Variants in DSC1 observed in about 807,000 individuals in gnomAD.
The protein encoded by DSC1 is desmocollin 1.
DSC1 carries 79 observed loss-of-function variants against 98.8 expected under a neutral mutation model. The observed-to-expected ratio is 0.80, with a 90% CI of 0.67 to 0.96. The LOEUF (loss-of-function observed/expected upper bound fraction) is 0.96. Ranked by LOEUF, DSC1 falls within the 50% of genes least tolerant of loss-of-function variation. The pLI is 0.00. For missense variants in DSC1, 1,115 were observed against 1,075.9 expected (o/e 1.04, Z -0.51); for synonymous variants, 405 against 372.1 (o/e 1.09, Z -1.02).
At chr18:31,155,952 C>A (rs1279765274) in intron 4 of DSC1, 91 bp downstream of exon 4, 3 of 1,380,170 alleles carry the variant, frequency 2.2e-6, no homozygotes, top group African/African-American at 2.9e-5. Context: ...TTAGTTTAAA[C>A]CTCTGATTCA....
intron 5 of DSC1, among the ~76,000 whole-genome samples, chr18:31,150,355 C>T (rs779860422): frequency 0.033 from 24 of 728 alleles, no homozygotes; most frequent in East Asian, 0.05. Context: ...CCACCACCAC[C>T]ACCATCATCA....
At chr18:31,162,410 G>T in intron 1 of DSC1, 122 bp downstream of exon 1, 1 of 911,426 alleles carries the variant, frequency 1.1e-6, no homozygotes, top group Non-Finnish European at 1.7e-6. Context: ...ATCTGCTTTT[G>T]TTTTCCCCAA....
At chr18:31,149,565 T>G (rs1988917808) in intron 5 of DSC1, among the ~76,000 whole-genome samples, 1 of 152,218 alleles carries the variant, frequency 6.6e-6, no homozygotes, top group East Asian at 1.9e-4. Context: ...ATTCTACATG[T>G]TGACTCACTA....
intron 6 of DSC1, among the ~76,000 whole-genome samples, chr18:31,146,684 A>T (rs1988853718): frequency 1.3e-5 from 2 of 152,202 alleles, no homozygotes; most frequent in African/African-American, 4.8e-5. Context: ...CAGGGGCTGA[A>T]CTAATTTACA....
chr18:31,156,543 C>CAT (rs1164143889), intron 3 of DSC1, among the ~76,000 whole-genome samples: 2 of 152,192 alleles, frequency 1.3e-5, no homozygotes, highest in Non-Finnish European at 2.9e-5. Context: ...ATCATTTATA[C>CAT]ATCTATGTAG....
chr18:31,157,704 C>A lies in DSC1; in HGVS notation c.149-131G>T, dbSNP rs892830736. On this transcript the variant is annotated intron_variant, in intron 2 of 15. Coordinates refer to ENST00000257198, the MANE Select transcript of DSC1 (RefSeq NM_024421.2). Reference sequence around the variant, plus strand: ...GGTTACATTTGGAATGTGCTCAGCACCTGCTATTCTAAAACGTGGGGGCCA... The same window carrying A: ...GGTTACATTTGGAATGTGCTCAGCAACTGCTATTCTAAAACGTGGGGGCCA... 8 of 860,244 alleles carry A rather than the reference C, an allele frequency of 9.3e-6. No homozygotes were observed. In the African/African-American group the frequency reaches 1.4e-4, roughly 15 times the overall value. The allele number at this position is 860,244 out of a possible 1,614,324, so 53.3% of individuals were successfully genotyped here. A position where few individuals can be genotyped will look rare whatever the true frequency, so the allele number is the denominator to read the frequency against.
At chr18:31,136,582 CA>C (rs1206146945) in intron 11 of DSC1, among the ~76,000 whole-genome samples, 10 of 152,148 alleles carry the variant, frequency 6.6e-5, no homozygotes. Flanking sequence ...GGTCTTAGAA[CA>C]GGGGTGTCCA....
At chr18:31,146,123 C>A (rs759360714) in intron 6 of DSC1, among the ~76,000 whole-genome samples, 33 of 152,176 alleles carry the variant, frequency 2.2e-4, no homozygotes, top group South Asian at 1.0e-3. Flanking sequence ...GGTACACATG[C>A]GGGTTTGTTA....
chr18:31,147,534 A>G (rs1988871436), intron 6 of DSC1, among the ~76,000 whole-genome samples: 1 of 152,146 alleles, frequency 6.6e-6, no homozygotes, highest in Non-Finnish European at 1.5e-5. Context: ...TATGTAGTAT[A>G]TCCTTGAAAG....
chr18:31,140,941 G>A lies in DSC1; in HGVS notation c.1261-640C>T, dbSNP rs556750101. ...GGCCAGTCTTTCCTGTGCTATTCTC[G>A]TGATAGTGAATAAGTCTCGCAGGAG... On this transcript the variant is annotated intron_variant, in intron 9 of 15. Coordinates refer to ENST00000257198, the MANE Select transcript of DSC1 (RefSeq NM_024421.2). 9.9e-5 allele frequency among the ~76,000 whole-genome samples: 15 copies of A among 152,200 alleles called. No individual in the cohort carries two copies. The South Asian group carries it at 2.3e-3, about 23-fold the overall frequency.
In DSC1 at chr18:31,157,406, C is replaced by G; in HGVS notation, c.316G>C (p.Glu106Gln). The change falls in exon 3 of 16, where the codon GAG becomes CAG. Residue 106 changes from glutamate (E) to glutamine (Q), a missense_variant. Transcript: ENST00000257198. ...CTTGCTGACAGTACAACTTTTATCT[C>G]TTGTTGTTCCCGTCTCTGACCATCT... ...LSDGQRREQQEIKVVLSAREN... is the reference protein window; with the variant it reads ...LSDGQRREQQQIKVVLSAREN... 6.2e-7 allele frequency: 1 copy of G among 1,614,184 alleles called. No homozygotes were observed. The highest frequency in any genetic ancestry group is 8.5e-7 in the Non-Finnish European group (1 of 1,180,036).
At chr18:31,132,178 G>T in intron 14 of DSC1, 1 of 378,560 alleles carries the variant, frequency 2.6e-6, no homozygotes, top group South Asian at 2.7e-5. Flanking sequence ...ACACAGACAT[G>T]CACACATGGA....
intron 1 of DSC1, among the ~76,000 whole-genome samples, chr18:31,161,166 T>C (rs1048839929): frequency 2.6e-5 from 4 of 152,094 alleles, no homozygotes; most frequent in Non-Finnish European, 5.9e-5. Flanking sequence ...TGTAGGCAAT[T>C]GTAAGTATTT....
At chr18:31,140,801 C>T (rs1348452302) in intron 9 of DSC1, among the ~76,000 whole-genome samples, 3 of 152,252 alleles carry the variant, frequency 2.0e-5, no homozygotes, top group Admixed American at 6.5e-5. Context: ...CTGATGAAAG[C>T]GCTTGGTCCT....
In DSC1 at chr18:31,129,805, T is replaced by G. The variant is rs1229332986; in HGVS notation, c.*709A>C. On this transcript the variant is annotated 3_prime_UTR_variant, in exon 16 of 16. Transcript: ENST00000257198. ...TGGAAATCTTCTCATGTAATCTTCA[T>G]AAAATCTCTGCCCCTCAATTTGCTA... 6.6e-6 allele frequency: 1 copy of G among 152,186 alleles called. No homozygotes were observed. Among genetic ancestry groups the G allele is most frequent in the African/African-American group, 2.4e-5 (1 of 41,432 alleles). The allele number at this position is 152,186 out of a possible 1,614,324, so 9.4% of individuals were successfully genotyped here. A position where few individuals can be genotyped will look rare whatever the true frequency, so the allele number is the denominator to read the frequency against.
chr18:31,134,193 T>A, intron 12 of DSC1, 63 bp from the exon 13 acceptor site: 1 of 1,534,062 alleles, frequency 6.5e-7, no homozygotes, highest in Non-Finnish European at 8.8e-7. Context: ...TTATTCCTAC[T>A]CAATATTCTC....
intron 6 of DSC1, among the ~76,000 whole-genome samples, chr18:31,147,559 AT>A (rs980444984): frequency 3.3e-5 from 5 of 152,234 alleles, no homozygotes; most frequent in African/African-American, 1.2e-4. Context: ...GCATTTAAAA[AT>A]GTTCTACATA....
At chr18:31,135,813 CAG>C (rs1988598389) in intron 11 of DSC1, among the ~76,000 whole-genome samples, 1 of 152,008 alleles carries the variant, frequency 6.6e-6, no homozygotes, top group Non-Finnish European at 1.5e-5. Flanking sequence ...TTGAAATAAA[CAG>C]AAAGGTAATT....
intron 2 of DSC1, 133 bp downstream of exon 2, chr18:31,159,312 C>G (rs1444062466): frequency 6.6e-6 from 5 of 757,986 alleles, no homozygotes; most frequent in African/African-American, 1.8e-5. Flanking sequence ...CTCGGCCTCC[C>G]AAAGTGCTGG....
Sources: allele counts gnomAD v4.1 joint callset (sites outside exome capture counted in the v4.1 genomes callset), GRCh38; gene constraint gnomAD v4.1.1; transcripts MANE v1.5; gene names NCBI Gene and HGNC (gene_info 2026-07-23, HGNC 2026-07-21).